The following RNLS variants were observed in gnomAD, a reference collection of about 807,000 sequenced individuals.
The protein encoded by RNLS is renalase, FAD dependent amine oxidase.
Under a neutral mutation model 39.8 loss-of-function variants are expected in RNLS, and 39 were observed. That is an observed-to-expected ratio of 0.98 (90% CI 0.76 to 1.28). RNLS has a LOEUF of 1.28. Among genes scored for constraint, RNLS ranks in the 50% most tolerant of loss-of-function variants. The probability of loss-of-function intolerance (pLI) is 0.00; values close to 1 mark genes in which losing one functional copy is unlikely to be tolerated. For synonymous variants in RNLS, 147 were observed against 150.7 expected, an observed-to-expected ratio of 0.98 and a Z score of 0.18; for missense variants, 410 against 413.3, an observed-to-expected ratio of 0.99 and a Z score of 0.07.
chr10:88,319,951 A>T (rs929061667), intron 5 of RNLS, among the ~76,000 whole-genome samples: 2 of 152,090 alleles, frequency 1.3e-5, no homozygotes, highest in African/African-American at 2.4e-5. Flanking sequence ...CTCGCAAGAT[A>T]CTACAGAAGA....
chr10:88,267,341 C>T, the RNLS span, among the ~76,000 whole-genome samples: 1 of 152,140 alleles, frequency 6.6e-6, no homozygotes, highest in Non-Finnish European at 1.5e-5. Context: ...CTTTGGGAGG[C>T]TCAGTCAGGA....
the RNLS span, among the ~76,000 whole-genome samples, chr10:88,201,978 A>G: frequency 1.9e-3 from 294 of 152,212 alleles, 2 homozygotes; most frequent in Non-Finnish European, 1.9e-4. Context: ...TTTACATGCT[A>G]CTATAAAGAC....
the RNLS span, among the ~76,000 whole-genome samples, chr10:88,255,073 T>C: frequency 1.3e-5 from 2 of 152,228 alleles, no homozygotes; most frequent in African/African-American, 4.8e-5. Context: ...TGCCTGGTGT[T>C]TGGTACCTCG....
At chr10:88,509,940 C>A (rs1846016890) in intron 4 of RNLS, among the ~76,000 whole-genome samples, 1 of 152,146 alleles carries the variant, frequency 6.6e-6, no homozygotes, top group South Asian at 2.1e-4. Flanking sequence ...ACTTATCAAG[C>A]CCCATTCCAC....
chr10:88,218,807 G>A, the RNLS span, among the ~76,000 whole-genome samples: 1 of 152,184 alleles, frequency 6.6e-6, no homozygotes, highest in Non-Finnish European at 1.5e-5. Flanking sequence ...TTCCAAGAGA[G>A]CATTTGAATA....
rs1055735893 is a variant in RNLS, at chr10:88,581,420, A to G, written c.367+147T>C. 2.3e-5 allele frequency: 12 copies of G among 530,470 alleles called. No individual in the cohort carries two copies. The African/African-American group carries it at 2.4e-4, about 11-fold the overall frequency. 32.9% of individuals were successfully genotyped at this position (530,470 alleles called of 1,614,324 possible). A position where few individuals can be genotyped will look rare whatever the true frequency, so the allele number is the denominator to read the frequency against. The stretch of plus-strand genomic sequence containing the variant: ...AATATACACTGGAAGCTTATCAATG[A>G]TTACTTTGGGGAAGGACTAGCTATT... On this transcript the variant is annotated intron_variant, in intron 3 of 6. Transcript: ENST00000331772.
At chr10:88,372,486 A>G (rs557470318) in intron 4 of RNLS, among the ~76,000 whole-genome samples, 12 of 152,224 alleles carry the variant, frequency 7.9e-5, no homozygotes, top group African/African-American at 2.4e-4. Flanking sequence ...TGCTTTACAA[A>G]CTACCCACTC....
At chr10:88,363,619 C>A (rs572814376) in intron 4 of RNLS, among the ~76,000 whole-genome samples, 129 of 152,094 alleles carry the variant, frequency 8.5e-4, no homozygotes, top group African/African-American at 2.9e-3. Context: ...ACAAGCACAC[C>A]AAAGATGAAA....
intron 4 of RNLS, among the ~76,000 whole-genome samples, chr10:88,398,229 T>C (rs1852687488): frequency 6.6e-6 from 1 of 151,906 alleles, no homozygotes; most frequent in African/African-American, 2.4e-5. Context: ...AAAGGGAAAA[T>C]TGTGAACAAG....
chr10:88,352,830 T>A (rs1281277789), intron 5 of RNLS, among the ~76,000 whole-genome samples: 4 of 152,208 alleles, frequency 2.6e-5, no homozygotes, highest in Non-Finnish European at 5.9e-5. Context: ...TGTCTGGTCC[T>A]CGACTTTTTT....
At chr10:88,357,991 T>A (rs766143969) in intron 5 of RNLS, among the ~76,000 whole-genome samples, 34 of 152,166 alleles carry the variant, frequency 2.2e-4, no homozygotes, top group Non-Finnish European at 4.0e-4. Flanking sequence ...CCATTAAAGT[T>A]TTTGGGTATG....
At chr10:88,258,423 C>A in the RNLS span, among the ~76,000 whole-genome samples, 1 of 152,150 alleles carries the variant, frequency 6.6e-6, no homozygotes, top group African/African-American at 2.4e-5. Context: ...AACTCACTTG[C>A]TCTGATACAT....
At chr10:88,453,233 C>T (rs1046745364) in intron 4 of RNLS, among the ~76,000 whole-genome samples, 1 of 152,194 alleles carries the variant, frequency 6.6e-6, no homozygotes, top group Non-Finnish European at 1.5e-5. Flanking sequence ...AGTACTTACA[C>T]CTCCAGCTGC....
chr10:88,569,320 C>CT (rs5786828), intron 4 of RNLS, among the ~76,000 whole-genome samples: 30 of 149,396 alleles, frequency 2.0e-4, no homozygotes, highest in South Asian at 4.2e-4. Context: ...CAAGATGTCA[C>CT]TTTTTTTTTT....
chr10:88,237,576 C>G, the RNLS span, among the ~76,000 whole-genome samples: 1 of 152,100 alleles, frequency 6.6e-6, no homozygotes, highest in Non-Finnish European at 1.5e-5. Context: ...CTCTTAAATA[C>G]TGATGTCCAA....
chr10:88,555,268 A>C (rs74147224), intron 4 of RNLS, among the ~76,000 whole-genome samples: 2,010 of 152,110 alleles, frequency 0.013, 49 homozygotes, highest in African/African-American at 0.045. Flanking sequence ...TTCCCAGCAT[A>C]CCATACAAAC....
the RNLS span, among the ~76,000 whole-genome samples, chr10:88,223,711 T>C: frequency 4.5e-4 from 68 of 152,134 alleles, no homozygotes; most frequent in Non-Finnish European, 7.5e-4. Flanking sequence ...CATTATCACT[T>C]TACCCCCCAA....
At chr10:88,193,579 G>A in the RNLS span, among the ~76,000 whole-genome samples, 1 of 151,984 alleles carries the variant, frequency 6.6e-6, no homozygotes, top group African/African-American at 2.4e-5. Flanking sequence ...TTTTTTAAGA[G>A]CAAACTCAAG....
rs902237975 is a variant in RNLS, at chr10:88,312,775, CT to C, written c.876+1690del. On this transcript the variant is annotated intron_variant, in intron 6 of 6. Coordinates refer to ENST00000331772, the MANE Select transcript of RNLS (RefSeq NM_001031709.3). ...TTTTTCTATTTTTAAATTGACTTCA[CT>C]TTTTTTTTTCAGAACAGTTTTAGGT... 1.1e-4 allele frequency among the ~76,000 whole-genome samples: 16 copies of C among 148,620 alleles called. No homozygotes were observed. The Middle Eastern group carries it at 0.011, about 98-fold the overall frequency.
Sources: gnomAD v4.1 joint callset for allele counts (sites outside exome capture counted in the v4.1 genomes callset) on GRCh38, gnomAD v4.1.1 for gene constraint, MANE v1.5 for transcripts, NCBI Gene and HGNC (gene_info 2026-07-23, HGNC 2026-07-21) for gene names.